UBAP1: variants seen among roughly 807,000 people sequenced by gnomAD.
UBAP1 encodes the protein ubiquitin-associated protein 1.
UBAP1 carries 5 observed loss-of-function variants against 39.0 expected under a neutral mutation model. The ratio of observed to expected loss-of-function variants is 0.13; its 90% CI spans 0.07 to 0.27. The LOEUF is 0.27. Ranked by LOEUF, UBAP1 falls within the 10% of genes least tolerant of loss-of-function variation. The probability of loss-of-function intolerance (pLI) is 1.00; values close to 1 mark genes in which losing one functional copy is unlikely to be tolerated. For missense variants in UBAP1, 490 were observed against 608.1 expected (o/e 0.81, Z 2.04); for synonymous variants, 211 against 225.1 (o/e 0.94, Z 0.56).
intron 2 of UBAP1, among the ~76,000 whole-genome samples, chr9:34,231,991 A>G (rs1264869136): frequency 6.6e-6 from 1 of 151,958 alleles, no homozygotes; most frequent in African/African-American, 2.4e-5. Context: ...AACTATTAAC[A>G]ATACAAAGAG....
At chr9:34,223,557 C>T (rs1832875828) in intron 2 of UBAP1, among the ~76,000 whole-genome samples, 1 of 152,194 alleles carries the variant, frequency 6.6e-6, no homozygotes, top group Admixed American at 6.5e-5. Context: ...TGGGCTCACG[C>T]CATTCTCTGC....
At chr9:34,248,342 T>C (rs942546224) in intron 4 of UBAP1, among the ~76,000 whole-genome samples, 1 of 152,284 alleles carries the variant, frequency 6.6e-6, no homozygotes, top group Non-Finnish European at 1.5e-5. Flanking sequence ...CTAGATATGA[T>C]TTTATTAACA....
At chr9:34,250,575 T>C in intron 5 of UBAP1, 83 bp from the exon 6 acceptor site, 1 of 1,130,236 alleles carries the variant, frequency 8.8e-7, no homozygotes, top group Non-Finnish European at 1.3e-6. Flanking sequence ...GAGAACGGAC[T>C]TCACACACTA....
intron 4 of UBAP1, among the ~76,000 whole-genome samples, chr9:34,243,074 G>A (rs1046520335): frequency 2.6e-5 from 4 of 152,184 alleles, no homozygotes; most frequent in Admixed American, 2.0e-4. Flanking sequence ...CTTGGCCCGG[G>A]TAAACTTGAT....
chr9:34,226,089 G>C (rs10814079), intron 2 of UBAP1, among the ~76,000 whole-genome samples: 50,839 of 141,696 alleles, frequency 0.36, 9,584 homozygotes, highest in East Asian at 0.74. Context: ...ACCTTCTAAA[G>C]TTTCCTCCTA....
chr9:34,190,589 A>G (rs1830657548), intron 1 of UBAP1, among the ~76,000 whole-genome samples: 1 of 149,130 alleles, frequency 6.7e-6, no homozygotes, highest in Non-Finnish European at 1.5e-5. Context: ...CATGCCTGGC[A>G]GTTCTTGTAA....
intron 1 of UBAP1, among the ~76,000 whole-genome samples, chr9:34,184,883 A>G (rs1163298527): frequency 4.7e-5 from 7 of 150,434 alleles, no homozygotes; most frequent in Non-Finnish European, 1.0e-4. Flanking sequence ...CGGCCTCCCA[A>G]AGTGCTGGGA....
chr9:34,180,068 G>A (rs1563878669), intron 1 of UBAP1, among the ~76,000 whole-genome samples: 1 of 152,156 alleles, frequency 6.6e-6, no homozygotes, highest in Non-Finnish European at 1.5e-5. Context: ...ACTCGTTAGT[G>A]CTTTGTCTCT....
intron 1 of UBAP1, among the ~76,000 whole-genome samples, chr9:34,185,514 A>C (rs929057332): frequency 6.6e-6 from 1 of 152,050 alleles, no homozygotes; most frequent in Non-Finnish European, 1.5e-5. Flanking sequence ...ATGCCCCTGC[A>C]CTCCAGCCTG....
rs1563911168 is a variant in UBAP1, at chr9:34,226,121, G to GTGTGTGTGTGTGTGTGTGTGTGTGTT, written c.34+5198_34+5199insTTGTGTGTGTGTGTGTGTGTGTGTGT. 3.8e-3 allele frequency among the ~76,000 whole-genome samples: 378 copies of GTGTGTGTGTGTGTGTGTGTGTGTGTT among 98,366 alleles called. 2 individuals are homozygous for GTGTGTGTGTGTGTGTGTGTGTGTGTT. The highest frequency in any genetic ancestry group is 6.8e-3 in the Non-Finnish European group (283 of 41,644). The allele number at this position is 98,366 out of a possible 152,430, so 64.5% of individuals were successfully genotyped here. A position where few individuals can be genotyped will look rare whatever the true frequency, so the allele number is the denominator to read the frequency against. ...CCTACTCTATTGTGTGTGTGTGTGT[G>GTGTGTGTGTGTGTGTGTGTGTGTGTT]TGTGTGTGTGTGTGTGTGTGTGTGT... On this transcript the variant is annotated intron_variant, in intron 2 of 6. Transcript: ENST00000297661.
intron 1 of UBAP1, 114 bp downstream of exon 1, chr9:34,179,354 G>T: frequency 2.5e-6 from 2 of 809,396 alleles, no homozygotes; most frequent in Non-Finnish European, 3.3e-6. Flanking sequence ...AAGGGCGCCG[G>T]AGCTAGGAGG....
Position 34,182,382 on chromosome 9 carries a change from A to T in UBAP1, c.-8+3142A>T, listed in dbSNP as rs182076628. On this transcript the variant is annotated intron_variant, in intron 1 of 6. Coordinates refer to ENST00000297661, the MANE Select transcript of UBAP1 (RefSeq NM_016525.5). ...ATAGTTTTAGTAGCGACGGGGTTTCACAACGTTGGCCAGGCTGGTCTTGAA... is the reference window on the plus strand; with the variant it reads ...ATAGTTTTAGTAGCGACGGGGTTTCTCAACGTTGGCCAGGCTGGTCTTGAA... Among the ~76,000 whole-genome samples the T allele has an allele frequency of 8.6e-5, 13 of 151,628 alleles. No homozygotes were observed. The East Asian group carries it at 2.5e-3, about 30-fold the overall frequency.
At chr9:34,251,301 C>T in intron 6 of UBAP1, 91 bp from the exon 7 acceptor site, 3 of 1,389,104 alleles carry the variant, frequency 2.2e-6, no homozygotes, top group East Asian at 2.3e-5. Flanking sequence ...TTCTGCTCTC[C>T]CCCAGTCCCC....
chr9:34,188,828 A>G (rs1322862726), intron 1 of UBAP1, among the ~76,000 whole-genome samples: 1 of 152,008 alleles, frequency 6.6e-6, no homozygotes, highest in Non-Finnish European at 1.5e-5. Context: ...ATGGTGGTGG[A>G]TTCCTGTAAT....
Position 34,241,258 on chromosome 9 carries a change from A to G in UBAP1, c.233A>G (p.Glu78Gly). The change falls in exon 4 of 7, where the codon GAA (glutamate) becomes GGA (glycine). Residue 78 changes from glutamate (E) to glycine (G), a missense_variant. Transcript: ENST00000297661. Reference protein sequence around the residue: ...EIKKIEEAEREAECKIAEAEA... With the variant: ...EIKKIEEAERGAECKIAEAEA... ...AAGAAAATCGAAGAAGCCGAGCGGG[A>G]AGCAGAGTGCAAAATTGCGGAAGCA... 1.3e-6 allele frequency: 2 copies of G among 1,506,130 alleles called. No individual in the cohort carries two copies. The highest frequency in any genetic ancestry group is 1.8e-6 in the Non-Finnish European group (2 of 1,128,936). The allele number at this position is 1,506,130 out of a possible 1,614,324, so 93.3% of individuals were successfully genotyped here. A position where few individuals can be genotyped will look rare whatever the true frequency, so the allele number is the denominator to read the frequency against.
At chr9:34,203,750 C>T (rs536697070) in intron 1 of UBAP1, among the ~76,000 whole-genome samples, 1 of 152,316 alleles carries the variant, frequency 6.6e-6, no homozygotes, top group East Asian at 1.9e-4. Context: ...AACCCCTTTT[C>T]TCTCCCCATA....
At chr9:34,212,109 AT>A in intron 1 of UBAP1, 1 of 253,398 alleles carries the variant, frequency 3.9e-6, no homozygotes, top group South Asian at 3.7e-5. Flanking sequence ...GCATATACTT[AT>A]TTTAGTGGAA....
At chr9:34,225,585 G>A (rs1833000276) in intron 2 of UBAP1, among the ~76,000 whole-genome samples, 1 of 151,786 alleles carries the variant, frequency 6.6e-6, no homozygotes, top group Non-Finnish European at 1.5e-5. Flanking sequence ...AGACCATCCT[G>A]GCTAACATGG....
chr9:34,250,745 T>C lies in UBAP1; in HGVS notation c.1354T>C (p.Cys452Arg), dbSNP rs776798377. ...LVEEALEMHQ[C>R]SEEKMMEFLQ... ...GGAAGAGGCTCTGGAAATGCACCAG[T>C]GTTCAGAAGAAAAGGTGGGAATCTT... is the stretch of plus-strand genomic sequence containing the variant. Residue 452 changes from cysteine (C) to arginine (R), a missense_variant, in exon 6 of 7, where the codon TGT (cysteine) becomes CGT (arginine). Physicochemically the swap from Cys to Arg is radical, Grantham distance 180. Coordinates refer to ENST00000297661, the MANE Select transcript of UBAP1 (RefSeq NM_016525.5). 3 of 1,613,172 alleles carry C rather than the reference T, an allele frequency of 1.9e-6. No individual in the cohort carries two copies. The highest frequency in any genetic ancestry group is 2.5e-6 in the Non-Finnish European group (3 of 1,179,370).
Sources: gnomAD v4.1 joint callset for allele counts (sites outside exome capture counted in the v4.1 genomes callset) on GRCh38, gnomAD v4.1.1 for gene constraint, MANE v1.5 for transcripts, NCBI Gene and HGNC (gene_info 2026-07-23, HGNC 2026-07-21) for gene names.